The following HSP90AA1 variants were observed in gnomAD, a reference collection of about 807,000 sequenced individuals.
HSP90AA1 encodes the protein heat shock protein 90 alpha family class A member 1, also known as heat shock protein HSP 90-alpha.
A neutral mutation model predicts 73.3 loss-of-function variants in HSP90AA1; 18 were observed. That is an observed-to-expected ratio of 0.25 (90% CI 0.17 to 0.36). The LOEUF (loss-of-function observed/expected upper bound fraction) is 0.36. HSP90AA1 is among the 10% of genes least tolerant of loss of function. HSP90AA1 has a pLI of 1.00. For missense variants in HSP90AA1, 704 were observed against 874.2 expected (o/e 0.81, Z 2.45); for synonymous variants, 477 against 296.9 (o/e 1.61, Z -6.24).
chr14:102,082,967 C>CTATG lies in HSP90AA1; in HGVS notation c.1755+63_1755+66dup, dbSNP rs1402683380. The CTATG allele has an allele frequency of 2.1e-6, 3 of 1,459,864 alleles. No homozygotes were observed. In the African/African-American group the frequency reaches 4.2e-5, roughly 20 times the overall value. The allele number at this position is 1,459,864 out of a possible 1,614,324, so 90.4% of individuals were successfully genotyped here. ...TAAGTTGAAAACATGCGAAAATGGG[C>CTATG]TATGTATGACTAAGCTTGAAAGCAC... On this transcript the variant is annotated intron_variant, in intron 9 of 10. Coordinates refer to ENST00000216281, the MANE Select transcript of HSP90AA1 (RefSeq NM_005348.4).
chr14:102,086,981 G>A lies in HSP90AA1; in HGVS notation c.-1+5C>T, dbSNP rs531439282. ...CCTCCACAGGCCCCCACAACCACCC[G>A]TCACCTTGGCTAAGTGACCGCACAG... On this transcript the variant is annotated splice_donor_5th_base_variant and intron_variant, in intron 1 of 10. Coordinates refer to ENST00000216281, the MANE Select transcript of HSP90AA1 (RefSeq NM_005348.4). 133 of 984,176 alleles carry A rather than the reference G, an allele frequency of 1.4e-4. No homozygotes were observed. The highest frequency in any genetic ancestry group is 1.6e-4 in the Non-Finnish European group (130 of 829,832). 61.0% of individuals were successfully genotyped at this position (984,176 alleles called of 1,614,324 possible).
intron 2 of HSP90AA1, among the ~76,000 whole-genome samples, chr14:102,097,462 A>G (rs1424788413): frequency 6.6e-6 from 1 of 152,098 alleles, no homozygotes; most frequent in African/African-American, 2.4e-5. Context: ...TGGTGGGTAC[A>G]AAGTGGGGGT....
chr14:102,103,256 T>C (rs1325659703), intron 1 of HSP90AA1, among the ~76,000 whole-genome samples: 1 of 136,368 alleles, frequency 7.3e-6, no homozygotes, highest in African/African-American at 2.8e-5. Context: ...AGGGTCTCGG[T>C]TCTAGTGCAG....
chr14:102,100,140 A>T (rs1000923548), intron 2 of HSP90AA1, among the ~76,000 whole-genome samples: 2 of 152,082 alleles, frequency 1.3e-5, no homozygotes, highest in African/African-American at 4.8e-5. Flanking sequence ...GTAAGCTGAG[A>T]TTGTGCCACG....
chr14:102,091,631 C>G (rs1429570954), upstream of HSP90AA1, among the ~76,000 whole-genome samples: 1 of 148,162 alleles, frequency 6.7e-6, no homozygotes, highest in Non-Finnish European at 1.5e-5. Flanking sequence ...CTCAAAAAAA[C>G]AAACAAACAA....
upstream of HSP90AA1, among the ~76,000 whole-genome samples, chr14:102,087,704 C>T (rs1482324847): frequency 2.6e-5 from 4 of 152,182 alleles, no homozygotes; most frequent in Admixed American, 6.5e-5. Context: ...CTCGGGGATT[C>T]TCCAGACCCA....
intron 9 of HSP90AA1, 100 bp downstream of exon 9, chr14:102,082,934 T>C (rs1233114432): frequency 3.2e-6 from 4 of 1,265,260 alleles, no homozygotes; most frequent in Non-Finnish European, 3.5e-6. Context: ...CAACATAGTT[T>C]TCTGTTTTAA....
chr14:102,085,549 C>T, intron 3 of HSP90AA1, 118 bp from the exon 4 acceptor site: 1 of 1,220,340 alleles, frequency 8.2e-7, no homozygotes. Context: ...GATGCAAAGG[C>T]CACCACAGCA....
At chr14:102,131,502 A>C (rs1403892608) in intron 1 of HSP90AA1, among the ~76,000 whole-genome samples, 1 of 152,098 alleles carries the variant, frequency 6.6e-6, no homozygotes, top group East Asian at 1.9e-4. Flanking sequence ...TAAACCCTGC[A>C]ATGGTTTCCC....
upstream of HSP90AA1, chr14:102,087,195 GC>G (rs1044574438): frequency 2.0e-6 from 2 of 980,112 alleles, no homozygotes; most frequent in African/African-American, 3.5e-5. Context: ...GCGGCACCCC[GC>G]CCCCGCGCCT....
At chr14:102,082,593 G>A in intron 9 of HSP90AA1, 149 bp from the exon 10 acceptor site, 2 of 677,250 alleles carry the variant, frequency 3.0e-6, no homozygotes, top group Non-Finnish European at 5.1e-6. Flanking sequence ...GGTATCCAAA[G>A]AGCACAGGTT....
intron 1 of HSP90AA1, among the ~76,000 whole-genome samples, chr14:102,126,447 G>A (rs1262627541): frequency 6.6e-6 from 1 of 152,190 alleles, no homozygotes; most frequent in Non-Finnish European, 1.5e-5. Context: ...GATTCTTAAA[G>A]CGGAAAAAGA....
At chr14:102,112,654 T>C (rs1414923179) in intron 1 of HSP90AA1, among the ~76,000 whole-genome samples, 1 of 152,068 alleles carries the variant, frequency 6.6e-6, no homozygotes, top group Non-Finnish European at 1.5e-5. Flanking sequence ...AAGTTTTAAA[T>C]TTTTTTGTAG....
chr14:102,136,096 G>T (rs1172513475), intron 1 of HSP90AA1, among the ~76,000 whole-genome samples: 3 of 152,202 alleles, frequency 2.0e-5, no homozygotes, highest in African/African-American at 7.2e-5. Flanking sequence ...AATTGTGTGG[G>T]TATTTCAAAT....
chr14:102,118,109 C>T (rs1041785828), intron 1 of HSP90AA1, among the ~76,000 whole-genome samples: 2 of 152,160 alleles, frequency 1.3e-5, no homozygotes, highest in African/African-American at 4.8e-5. Flanking sequence ...TTACAGACTC[C>T]CCTGGAGGCA....
intron 1 of HSP90AA1, among the ~76,000 whole-genome samples, chr14:102,117,669 C>A (rs898071909): frequency 2.0e-5 from 3 of 152,142 alleles, no homozygotes; most frequent in Non-Finnish European, 4.4e-5. Context: ...CTGCATACCT[C>A]ATTCTTCTTG....
Position 102,085,447 on chromosome 14 carries a change from G to A in HSP90AA1, c.530-16C>T, listed in dbSNP as rs868552185. ...ATAGGTTCACCTGCAAGAGAAGAAAGAAAAATTGACTTAATACATTCAATT... is the reference window on the plus strand; with the variant it reads ...ATAGGTTCACCTGCAAGAGAAGAAAAAAAAATTGACTTAATACATTCAATT... On this transcript the variant is annotated splice_polypyrimidine_tract_variant and intron_variant, in intron 3 of 10. Transcript: ENST00000216281. The A allele has an allele frequency of 4.3e-5, 65 of 1,505,926 alleles. 1 individual carries two copies. In the Middle Eastern group the frequency reaches 3.4e-3, roughly 79 times the overall value. The allele number at this position is 1,505,926 out of a possible 1,614,324, so 93.3% of individuals were successfully genotyped here. A position where few individuals can be genotyped will look rare whatever the true frequency, so the allele number is the denominator to read the frequency against.
At chr14:102,086,582 G>A (rs1566721862) in intron 1 of HSP90AA1, among the ~76,000 whole-genome samples, 2 of 151,960 alleles carry the variant, frequency 1.3e-5, no homozygotes, top group African/African-American at 2.4e-5. Flanking sequence ...CTTCCGGGAG[G>A]CCGCCGCAGG....
upstream of HSP90AA1, among the ~76,000 whole-genome samples, chr14:102,091,006 A>G (rs914765267): frequency 5.3e-5 from 8 of 152,180 alleles, no homozygotes; most frequent in Admixed American, 2.0e-4. Context: ...CCAGTTCAGT[A>G]TCTGTAGCAT....
Sources: allele counts gnomAD v4.1 joint callset (sites outside exome capture counted in the v4.1 genomes callset), GRCh38; gene constraint gnomAD v4.1.1; transcripts MANE v1.5; gene names NCBI Gene and HGNC (gene_info 2026-07-23, HGNC 2026-07-21).